STRAP: variants seen among roughly 807,000 people sequenced by gnomAD.
The protein encoded by STRAP is serine-threonine kinase receptor-associated protein.
A neutral mutation model predicts 47.0 loss-of-function variants in STRAP; 16 were observed. That is an observed-to-expected ratio of 0.34 (90% CI 0.23 to 0.52). STRAP has a LOEUF of 0.52. Among genes scored for constraint, STRAP ranks in the 20% least tolerant of loss-of-function variants. The probability of loss-of-function intolerance (pLI) is 0.96; values close to 1 mark genes in which losing one functional copy is unlikely to be tolerated. For synonymous variants in STRAP, 130 were observed against 142.7 expected (o/e 0.91, Z 0.63); for missense variants, 293 against 420.0 (o/e 0.70, Z 2.64).
chr12:15,903,125 A>G lies in STRAP; in HGVS notation c.*147A>G, dbSNP rs941573762. On this transcript the variant is annotated 3_prime_UTR_variant, in exon 10 of 10. Coordinates refer to ENST00000419869, the MANE Select transcript of STRAP (RefSeq NM_007178.4). The stretch of plus-strand genomic sequence containing the variant: ...AATTAGCTCCAGTGCTGGAACAACT[A>G]ACTAACTTGGTGTTACCTGTAAGTG... 9 of 833,674 alleles carry G rather than the reference A, an allele frequency of 1.1e-5. No individual in the cohort carries two copies. Among genetic ancestry groups the G allele is most frequent in the Non-Finnish European group, 1.5e-5 (9 of 587,500 alleles). 51.6% of individuals were successfully genotyped at this position (833,674 alleles called of 1,614,324 possible).
In STRAP at chr12:15,897,867, TAAA is replaced by T; in HGVS notation, c.639-14_639-12del. The stretch of plus-strand genomic sequence containing the variant: ...ATATTCAAGATTTGTAAATACTACT[TAAA>T]TTTTTTTTCAGTTTGGACCCAATTA... On this transcript the variant is annotated splice_polypyrimidine_tract_variant and intron_variant, in intron 6 of 9. Transcript: ENST00000419869. 1 of 1,494,992 alleles carries T rather than the reference TAAA, an allele frequency of 6.7e-7. No homozygotes were observed. The allele number at this position is 1,494,992 out of a possible 1,614,324, so 92.6% of individuals were successfully genotyped here.
Position 15,882,678 on chromosome 12 carries a change from G to T in STRAP, c.-30G>T. The T allele has an allele frequency of 1.3e-6, 2 of 1,581,178 alleles. No individual in the cohort carries two copies. The highest frequency in any genetic ancestry group is 8.6e-7 in the Non-Finnish European group (1 of 1,162,320). Reference sequence around the variant, plus strand: ...AAAAGACAACGACGACCCTCAGCTCGCCAGTCCGGTCGCTGGCTTCGCCGC... The same window carrying T: ...AAAAGACAACGACGACCCTCAGCTCTCCAGTCCGGTCGCTGGCTTCGCCGC... On this transcript the variant is annotated 5_prime_UTR_variant, in exon 1 of 10. Coordinates refer to ENST00000419869, the MANE Select transcript of STRAP (RefSeq NM_007178.4).
intron 2 of STRAP, among the ~76,000 whole-genome samples, chr12:15,888,520 A>T (rs1947989455): frequency 6.6e-6 from 1 of 152,190 alleles, no homozygotes; most frequent in African/African-American, 2.4e-5. Context: ...CACATTATTA[A>T]ATATTGCAAG....
At chr12:15,882,987 G>T (rs1267642612) in intron 1 of STRAP, 168 bp downstream of exon 1, 6 of 1,431,792 alleles carry the variant, frequency 4.2e-6, no homozygotes, top group Non-Finnish European at 5.7e-6. Context: ...GTGTGTTAGG[G>T]AATCCGCAGC....
rs1241574286 is a variant in STRAP at position 15,894,601 on chromosome 12, C to T, written c.500+458C>T. Among the ~76,000 whole-genome samples, 2 of 152,160 alleles carry T rather than the reference C, an allele frequency of 1.3e-5. No individual in the cohort carries two copies. The highest frequency in any genetic ancestry group is 2.9e-5 in the Non-Finnish European group (2 of 68,026). On this transcript the variant is annotated intron_variant, in intron 5 of 9. Transcript: ENST00000419869. This position sits in a 1 kb window ranked among gnomAD's most constrained non-coding sequence, Gnocchi z 4.9. ...ACATTTATCTGGAGCTATCTATTTA[C>T]TAATACAGGTTGAGTATCCCTAACC...
At chr12:15,897,221 G>A (rs1273576178) in intron 6 of STRAP, among the ~76,000 whole-genome samples, 1 of 152,168 alleles carries the variant, frequency 6.6e-6, no homozygotes, top group Non-Finnish European at 1.5e-5. Context: ...ATAATGTTTT[G>A]TATTGGAGGC....
chr12:15,896,678 G>A lies in STRAP; in HGVS notation c.638+1182G>A, dbSNP rs1248985187. Among the ~76,000 whole-genome samples, 1 of 152,136 alleles carries A rather than the reference G, an allele frequency of 6.6e-6. No homozygotes were observed. Among genetic ancestry groups the A allele is most frequent in the Admixed American group, 6.5e-5 (1 of 15,274 alleles). The stretch of plus-strand genomic sequence containing the variant: ...TGCATCATAGGTTGTACTAAATTAT[G>A]GGTTAGTTTCCCTGTTTTAGCACCA... On this transcript the variant is annotated intron_variant, in intron 6 of 9. Transcript: ENST00000419869. This position sits in a 1 kb window ranked among gnomAD's most constrained non-coding sequence, Gnocchi z 4.1.
chr12:15,883,898 C>T (rs1947945186), intron 2 of STRAP, among the ~76,000 whole-genome samples: 1 of 152,104 alleles, frequency 6.6e-6, no homozygotes, highest in Admixed American at 6.5e-5. Context: ...TGACTTATTC[C>T]GTATATTTTG....
chr12:15,892,895 A>G (rs1443933603), intron 4 of STRAP, among the ~76,000 whole-genome samples: 1 of 152,330 alleles, frequency 6.6e-6, no homozygotes, highest in East Asian at 1.9e-4. Flanking sequence ...TACCTTTCCC[A>G]AAGCTGTTTT....
At chr12:15,888,390 CAG>C (rs1442888089) in intron 2 of STRAP, among the ~76,000 whole-genome samples, 2 of 152,030 alleles carry the variant, frequency 1.3e-5, no homozygotes, top group Non-Finnish European at 2.9e-5. Flanking sequence ...ATTGGAATGA[CAG>C]AGAGAGGAGC....
At chr12:15,893,524 TTA>T (rs1193081464) in intron 4 of STRAP, among the ~76,000 whole-genome samples, 3 of 147,106 alleles carry the variant, frequency 2.0e-5, no homozygotes, top group African/African-American at 7.4e-5. Flanking sequence ...TATATACTTT[TTA>T]TTTATTATAC....
rs753023229 is a variant in STRAP at position 15,882,387 on chromosome 12, C to A, written c.-321C>A. 4.7e-4 allele frequency: 195 copies of A among 410,754 alleles called. No individual in the cohort carries two copies. Among genetic ancestry groups the A allele is most frequent in the Middle Eastern group, 3.4e-3 (5 of 1,474 alleles). The allele number at this position is 410,754 out of a possible 1,614,324, so 25.4% of individuals were successfully genotyped here. A position where few individuals can be genotyped will look rare whatever the true frequency, so the allele number is the denominator to read the frequency against. On this transcript the variant is annotated 5_prime_UTR_variant, in exon 1 of 10. Coordinates refer to ENST00000419869, the MANE Select transcript of STRAP (RefSeq NM_007178.4). Reference sequence around the variant, plus strand: ...TCCGGCGGGTGCTCTGCGTCATTTACGTCGTCACTTCCTGCCGATGCCGGT... The same window carrying A: ...TCCGGCGGGTGCTCTGCGTCATTTAAGTCGTCACTTCCTGCCGATGCCGGT...
intron 4 of STRAP, among the ~76,000 whole-genome samples, chr12:15,892,966 C>A (rs528660525): frequency 1.3e-5 from 2 of 152,096 alleles, no homozygotes; most frequent in South Asian, 2.1e-4. Flanking sequence ...TACTGTGTAT[C>A]GGGTATCTGT....
At chr12:15,883,459 C>T (rs1309265910) in intron 1 of STRAP, 82 bp from the exon 2 acceptor site, 5 of 1,446,932 alleles carry the variant, frequency 3.5e-6, no homozygotes, top group Non-Finnish European at 3.7e-6. Context: ...TGTCATTGAA[C>T]ATCATTGTAT....
At chr12:15,895,596 G>T in intron 6 of STRAP, 100 bp downstream of exon 6, 2 of 1,327,044 alleles carry the variant, frequency 1.5e-6, no homozygotes, top group Non-Finnish European at 2.0e-6. Context: ...AAGTAAAGAG[G>T]CCAGGAGTGG....
chr12:15,888,433 A>G (rs1202828394), intron 2 of STRAP, among the ~76,000 whole-genome samples: 2 of 152,194 alleles, frequency 1.3e-5, no homozygotes, highest in Non-Finnish European at 2.9e-5. Context: ...AATGAATACT[A>G]GGGAGTTTAG....
intron 9 of STRAP, among the ~76,000 whole-genome samples, chr12:15,902,146 G>A (rs1321901974): frequency 2.0e-5 from 3 of 152,100 alleles, no homozygotes; most frequent in East Asian, 3.9e-4. Context: ...GCTAATTTTT[G>A]TATTTTTAGT....
chr12:15,886,368 G>A (rs1947972840), intron 2 of STRAP, among the ~76,000 whole-genome samples: 1 of 152,004 alleles, frequency 6.6e-6, no homozygotes, highest in Non-Finnish European at 1.5e-5. Context: ...TGTGTTTTTT[G>A]TAGAGATGGG....
intron 6 of STRAP, among the ~76,000 whole-genome samples, chr12:15,895,863 A>G (rs1308041229): frequency 2.1e-4 from 27 of 128,700 alleles, no homozygotes; most frequent in Admixed American, 6.3e-4. Context: ...ACCTCCTCTG[A>G]AAAAAAAAAA....
Sources: gnomAD v4.1 joint callset for allele counts (sites outside exome capture counted in the v4.1 genomes callset) on GRCh38, gnomAD v4.1.1 for gene constraint, Gnocchi (gnomAD v3.1) non-coding constraint, MANE v1.5 for transcripts, NCBI Gene and HGNC (gene_info 2026-07-23, HGNC 2026-07-21) for gene names.